Variants in KRAS observed in about 807,000 individuals in gnomAD.
The protein encoded by KRAS is KRas proto-oncogene, GTPase.
A neutral mutation model predicts 21.0 loss-of-function variants in KRAS; 1 was observed. That is an observed-to-expected ratio of 0.05 (90% CI 0.02 to 0.23). KRAS has a LOEUF of 0.23. KRAS is among the 10% of genes least tolerant of loss of function. KRAS has a pLI of 1.00. For synonymous variants in KRAS, 67 were observed against 72.5 expected (o/e 0.92, Z 0.39); for missense variants, 107 against 221.8 (o/e 0.48, Z 3.29).
At chr12:25,250,477 G>T (rs924032769) in intron 1 of KRAS, among the ~76,000 whole-genome samples, 4 of 152,078 alleles carry the variant, frequency 2.6e-5, no homozygotes, top group African/African-American at 7.2e-5. Flanking sequence ...GGAAGGAAGG[G>T]GTTCCCCGTC....
chr12:25,245,527 T>C (rs958428686), intron 1 of KRAS, 132 bp from the exon 2 acceptor site: 2 of 957,864 alleles, frequency 2.1e-6, no homozygotes, highest in Non-Finnish European at 3.1e-6. Flanking sequence ...TCAAAATACC[T>C]TACAAAATTC....
In KRAS at chr12:25,207,723, C is replaced by T. The variant is rs1390720112; in HGVS notation, c.*2072G>A. ...TACCAGGTTTGAAAAATCCTACTGTCGCTAATGGATTGGGCAGCAAAGAGA... is the reference window on the plus strand; with the variant it reads ...TACCAGGTTTGAAAAATCCTACTGTTGCTAATGGATTGGGCAGCAAAGAGA... On this transcript the variant is annotated 3_prime_UTR_variant, in exon 5 of 5. Coordinates refer to ENST00000311936, the MANE Select transcript of KRAS (RefSeq NM_004985.5). 4.3e-6 allele frequency: 1 copy of T among 232,384 alleles called. No homozygotes were observed. 14.4% of individuals were successfully genotyped at this position (232,384 alleles called of 1,614,324 possible). A position where few individuals can be genotyped will look rare whatever the true frequency, so the allele number is the denominator to read the frequency against.
chr12:25,233,219 A>G (rs1374862166), intron 2 of KRAS, among the ~76,000 whole-genome samples: 1 of 152,068 alleles, frequency 6.6e-6, no homozygotes, highest in Non-Finnish European at 1.5e-5. Flanking sequence ...TAATCTCACA[A>G]TATAGTCTCC....
intron 2 of KRAS, among the ~76,000 whole-genome samples, chr12:25,240,014 G>A (rs867347782): frequency 6.6e-6 from 1 of 151,428 alleles, no homozygotes; most frequent in Non-Finnish European, 1.5e-5. Flanking sequence ...GATTAAGGAG[G>A]GACACACTAC....
chr12:25,237,099 G>C (rs1951553484), intron 2 of KRAS, among the ~76,000 whole-genome samples: 1 of 152,160 alleles, frequency 6.6e-6, no homozygotes, highest in South Asian at 2.1e-4. Flanking sequence ...CAAAAACATA[G>C]ACGAACTCTG....
Position 25,209,684 on chromosome 12 carries a change from T to C in KRAS, c.*111A>G, listed in dbSNP as rs1461285355. On this transcript the variant is annotated 3_prime_UTR_variant, in exon 5 of 5. Transcript: ENST00000311936. ...TTAAGGTAAAAGCTAACAGTCTGCA[T>C]GGAGCAGGAAAAAAATTAGGTAATG... The C allele has an allele frequency of 2.2e-5, 33 of 1,491,762 alleles. No homozygotes were observed. The highest frequency in any genetic ancestry group is 2.9e-5 in the Non-Finnish European group (33 of 1,120,356). The allele number at this position is 1,491,762 out of a possible 1,614,324, so 92.4% of individuals were successfully genotyped here. A position where few individuals can be genotyped will look rare whatever the true frequency, so the allele number is the denominator to read the frequency against.
At chr12:25,223,940 C>T (rs1339685793) in intron 4 of KRAS, among the ~76,000 whole-genome samples, 1 of 151,992 alleles carries the variant, frequency 6.6e-6, no homozygotes, top group African/African-American at 2.4e-5. Flanking sequence ...TTAGTACAGT[C>T]ATGTACCACA....
chr12:25,222,045 A>G (rs1266444833), intron 4 of KRAS, among the ~76,000 whole-genome samples: 1 of 151,878 alleles, frequency 6.6e-6, no homozygotes, highest in Non-Finnish European at 1.5e-5. Flanking sequence ...GCTACTTGGG[A>G]GGCTGAGGCA....
chr12:25,222,003 G>A (rs1951331819), intron 4 of KRAS, among the ~76,000 whole-genome samples: 1 of 151,990 alleles, frequency 6.6e-6, no homozygotes, highest in South Asian at 2.1e-4. Context: ...CAAAAATTTA[G>A]CAAGGCATGG....
At chr12:25,232,969 G>T (rs1320654731) in intron 2 of KRAS, among the ~76,000 whole-genome samples, 3 of 151,990 alleles carry the variant, frequency 2.0e-5, no homozygotes, top group Middle Eastern at 3.4e-3. Flanking sequence ...AAAATATGTG[G>T]TTTTTTTTTA....
intron 1 of KRAS, among the ~76,000 whole-genome samples, chr12:25,249,043 T>C (rs1592827292): frequency 6.6e-6 from 1 of 152,372 alleles, no homozygotes; most frequent in East Asian, 1.9e-4. Context: ...AAATGATTTC[T>C]ATTATAAACA....
chr12:25,241,495 T>C (rs994179799), intron 2 of KRAS, among the ~76,000 whole-genome samples: 1 of 152,214 alleles, frequency 6.6e-6, no homozygotes, highest in African/African-American at 2.4e-5. Context: ...AGCTAACATA[T>C]CATTAACGTA....
intron 2 of KRAS, among the ~76,000 whole-genome samples, chr12:25,235,382 G>T (rs7133640): frequency 6.6e-6 from 1 of 152,070 alleles, no homozygotes; most frequent in African/African-American, 2.4e-5. Flanking sequence ...AATTATAATA[G>T]GGAAGAAACA....
chr12:25,229,025 C>G (rs1384089148), intron 2 of KRAS, among the ~76,000 whole-genome samples: 3 of 152,136 alleles, frequency 2.0e-5, no homozygotes, highest in Admixed American at 6.5e-5. Context: ...CTCCACTGCA[C>G]TCCAGCCTGG....
intron 2 of KRAS, among the ~76,000 whole-genome samples, chr12:25,238,054 G>GAATTTTC (rs1409164168): frequency 1.3e-5 from 2 of 152,072 alleles, no homozygotes; most frequent in African/African-American, 4.8e-5. Context: ...TTTCATGGCA[G>GAATTTTC]AATTTTCAAT....
intron 4 of KRAS, among the ~76,000 whole-genome samples, chr12:25,220,729 AAAAAAAT>A (rs1323131257): frequency 6.6e-6 from 1 of 151,610 alleles, no homozygotes; most frequent in African/African-American, 2.4e-5. Flanking sequence ...CTCAAAAAAA[AAAAAAAT>A]ACTAGAGACC....
chr12:25,250,899 T>TGCCTCCGCCGCC lies in KRAS; in HGVS notation c.-161_-160insGGCGGCGGAGGC. 4.0e-6 allele frequency: 1 copy of TGCCTCCGCCGCC among 247,048 alleles called. No homozygotes were observed. The highest frequency in any genetic ancestry group is 6.4e-5 in the East Asian group (1 of 15,670). The allele number at this position is 247,048 out of a possible 1,614,324, so 15.3% of individuals were successfully genotyped here. ...TCGCCGCCGCCACTGCCGCCGCCGC[T>TGCCTCCGCCGCC]GCTGCCTCCGCCGCCGCGGCCGCCG... On this transcript the variant is annotated 5_prime_UTR_variant, in exon 1 of 5. Transcript: ENST00000311936.
intron 1 of KRAS, among the ~76,000 whole-genome samples, chr12:25,246,505 C>G (rs577422813): frequency 6.6e-6 from 1 of 151,984 alleles, no homozygotes; most frequent in South Asian, 2.1e-4. Flanking sequence ...TTGCAGTGAG[C>G]CCAGATCACG....
chr12:25,234,002 T>A (rs16928548), intron 2 of KRAS: 3,193 of 193,578 alleles, frequency 0.016, 85 homozygotes, highest in African/African-American at 0.069. Context: ...AATGTAACAG[T>A]GTGCAAAGGC....
Sources: allele counts gnomAD v4.1 joint callset (sites outside exome capture counted in the v4.1 genomes callset), GRCh38; gene constraint gnomAD v4.1.1; transcripts MANE v1.5; gene names NCBI Gene and HGNC (gene_info 2026-07-23, HGNC 2026-07-21).